QTGAL: variants seen among roughly 807,000 people sequenced by gnomAD.
QTGAL encodes the protein queuosine-tRNA galactosyltransferase, also known as BGnT-like protein 1.
At chr17:83,047,790 TC>T in the QTGAL span, among the ~76,000 whole-genome samples, 464 of 96,244 alleles carry the variant, frequency 4.8e-3, 2 homozygotes, top group South Asian at 0.014. Context: ...CTACAATAAA[TC>T]CCTACCAAAG....
chr17:83,001,575 G>A, the QTGAL span, among the ~76,000 whole-genome samples: 1 of 114,092 alleles, frequency 8.8e-6, no homozygotes, highest in Non-Finnish European at 1.7e-5. Flanking sequence ...ACGTAAACCA[G>A]TCTATGGTCA....
the QTGAL span, among the ~76,000 whole-genome samples, chr17:82,984,408 ACAGGGAGAGGCCACAGGAGGACG>A: frequency 4.7e-5 from 7 of 150,196 alleles, no homozygotes; most frequent in Non-Finnish European, 7.4e-5. Flanking sequence ...ATGTGAGCAC[ACAGGGAGAGGCCACAGGAGGACG>A]CAGGGAGAGG....
the QTGAL span, chr17:83,035,035 C>T: frequency 1.4e-5 from 23 of 1,602,144 alleles, 1 homozygote; most frequent in South Asian, 1.4e-4. Flanking sequence ...AGTTACTTAC[C>T]GAATCCAAAA....
the QTGAL span, among the ~76,000 whole-genome samples, chr17:83,027,726 C>G: frequency 1.7e-5 from 2 of 119,980 alleles, no homozygotes; most frequent in East Asian, 4.8e-4. Context: ...AAAAAAAAAG[C>G]AAGCCACTTA....
the QTGAL span, among the ~76,000 whole-genome samples, chr17:82,962,469 CCGCGGG>C: frequency 6.6e-6 from 1 of 150,752 alleles, no homozygotes; most frequent in East Asian, 1.9e-4. Flanking sequence ...GTGGAGGGTC[CCGCGGG>C]TGCTGGTGGA....
At chr17:83,030,528 G>A in the QTGAL span, among the ~76,000 whole-genome samples, 2 of 152,192 alleles carry the variant, frequency 1.3e-5, no homozygotes, top group Non-Finnish European at 1.5e-5. Flanking sequence ...ACTGCTGCTC[G>A]GGGTCTGGGG....
the QTGAL span, among the ~76,000 whole-genome samples, chr17:82,977,560 A>T: frequency 6.6e-6 from 1 of 152,158 alleles, no homozygotes; most frequent in South Asian, 2.1e-4. Flanking sequence ...GGGAGCGAGC[A>T]ACGCCCCAAT....
At chr17:82,964,923 C>T in the QTGAL span, among the ~76,000 whole-genome samples, 1 of 125,324 alleles carries the variant, frequency 8.0e-6, no homozygotes. Context: ...CACGGGAGGA[C>T]GGGGACACGG....
chr17:83,012,914 C>T, the QTGAL span, among the ~76,000 whole-genome samples: 387 of 152,102 alleles, frequency 2.5e-3, 15 homozygotes, highest in East Asian at 0.064. Flanking sequence ...CCTAGATCCC[C>T]GGGCCCCCCG....
the QTGAL span, among the ~76,000 whole-genome samples, chr17:82,982,600 C>G: frequency 7.9e-6 from 1 of 126,410 alleles, no homozygotes; most frequent in African/African-American, 3.6e-5. Context: ...TCACAGAGAC[C>G]AAATCTGGTG....
the QTGAL span, among the ~76,000 whole-genome samples, chr17:83,039,467 T>A: frequency 7.2e-4 from 85 of 117,956 alleles, no homozygotes; most frequent in African/African-American, 2.4e-3. Flanking sequence ...CTAGACACAC[T>A]GCTGGGCGCC....
chr17:83,026,713 C>T, the QTGAL span, among the ~76,000 whole-genome samples: 1 of 125,010 alleles, frequency 8.0e-6, no homozygotes, highest in African/African-American at 3.0e-5. Context: ...TCGACAGACA[C>T]GCAGAGGAGG....
At chr17:83,035,674 G>A in the QTGAL span, among the ~76,000 whole-genome samples, 2 of 151,954 alleles carry the variant, frequency 1.3e-5, no homozygotes, top group Non-Finnish European at 2.9e-5. Flanking sequence ...AAAATGAGAT[G>A]GACCTTTACT....
At chr17:82,991,226 G>A in the QTGAL span, among the ~76,000 whole-genome samples, 1 of 152,126 alleles carries the variant, frequency 6.6e-6, no homozygotes, top group Non-Finnish European at 1.5e-5. Context: ...GGGGAGTGGG[G>A]AGCAAGGTGG....
At chr17:82,992,070 C>T in the QTGAL span, among the ~76,000 whole-genome samples, 1 of 152,126 alleles carries the variant, frequency 6.6e-6, no homozygotes, top group East Asian at 1.9e-4. Flanking sequence ...TCTAGAAAAT[C>T]ACCTCAAAAG....
the QTGAL span, among the ~76,000 whole-genome samples, chr17:82,968,160 C>T: frequency 6.6e-6 from 1 of 152,088 alleles, no homozygotes; most frequent in African/African-American, 2.4e-5. Flanking sequence ...TGTGTGTTCA[C>T]GGCAGCCCCA....
the QTGAL span, among the ~76,000 whole-genome samples, chr17:83,026,605 C>CCTCG: frequency 1.4e-5 from 2 of 147,452 alleles, no homozygotes; most frequent in East Asian, 2.0e-4. Flanking sequence ...ACAAACCCAC[C>CCTCG]ATCGACCGAT....
At chr17:82,955,253 A>G in the QTGAL span, among the ~76,000 whole-genome samples, 1 of 152,236 alleles carries the variant, frequency 6.6e-6, no homozygotes, top group Non-Finnish European at 1.5e-5. Context: ...TACAGGATCT[A>G]CAAGGGACTT....
the QTGAL span, chr17:82,956,724 G>A: frequency 9.4e-6 from 15 of 1,589,432 alleles, no homozygotes; most frequent in Admixed American, 5.3e-5. The surrounding 1 kb of genome is among the most constrained non-coding windows in gnomAD (Gnocchi z 5.7). Flanking sequence ...AAGGGTGGCC[G>A]GGCGGCTCGG....
Sources: gnomAD v4.1 joint callset for allele counts (sites outside exome capture counted in the v4.1 genomes callset) on GRCh38, gnomAD v4.1.1 for gene constraint, Gnocchi (gnomAD v3.1) non-coding constraint, MANE v1.5 for transcripts, NCBI Gene and HGNC (gene_info 2026-07-23, HGNC 2026-07-21) for gene names.